The following ISL1 variants were observed in gnomAD, a reference collection of about 807,000 sequenced individuals.
The protein encoded by ISL1 is insulin gene enhancer protein ISL-1.
In ISL1, 4 loss-of-function variants were observed where a neutral mutation model predicts 35.3. The ratio of observed to expected loss-of-function variants is 0.11; its 90% confidence interval spans 0.06 to 0.26. The LOEUF (loss-of-function observed/expected upper bound fraction) is 0.26. Among genes scored for constraint, ISL1 ranks in the 10% least tolerant of loss-of-function variants. ISL1 has a pLI of 1.00. For missense variants in ISL1, 340 were observed against 472.8 expected (o/e 0.72, Z 2.60); for synonymous variants, 186 against 172.3 (o/e 1.08, Z -0.62).
rs1747387040 is a variant in ISL1 at position 51,387,810 on chromosome 5, G to A, written c.478+61G>A. 4 of 1,600,800 alleles carry A rather than the reference G, an allele frequency of 2.5e-6. No homozygotes were observed. Among genetic ancestry groups the A allele is most frequent in the Non-Finnish European group, 3.4e-6 (4 of 1,173,732 alleles). ...GGTTAAGCCAGCCTGTGTGCCAGCG[G>A]CCACAACAACTATGGTAGCTACAGG... On this transcript the variant is annotated intron_variant, in intron 3 of 5. Coordinates refer to ENST00000230658, the MANE Select transcript of ISL1 (RefSeq NM_002202.3). This position sits in a 1 kb window ranked among gnomAD's most constrained non-coding sequence, Gnocchi z 4.3.
In ISL1 at chr5:51,387,756, C is replaced by T; in HGVS notation, c.478+7C>T. 2 of 1,613,798 alleles carry T rather than the reference C, an allele frequency of 1.2e-6. No homozygotes were observed. Among genetic ancestry groups the T allele is most frequent in the Non-Finnish European group, 1.7e-6 (2 of 1,179,966 alleles). ...CGGCCACTGCAAATGGCAGGTACTC[C>T]TCTGCCCGGCTCGGGTAGGCAGGCG... On this transcript the variant is annotated splice_region_variant and intron_variant, in intron 3 of 5. Coordinates refer to ENST00000230658, the MANE Select transcript of ISL1 (RefSeq NM_002202.3). The surrounding 1 kb of genome is among the most constrained non-coding windows in gnomAD (Gnocchi z 4.3).
chr5:51,387,046 G>T lies in ISL1; in HGVS notation c.219-444G>T, dbSNP rs184659284. ...CTAGCAGCAGAAATTGTGGGATAGG[G>T]AAGTGAAAGTGTTGGTGTCGGTGGC... is the stretch of plus-strand genomic sequence containing the variant. On this transcript the variant is annotated intron_variant, in intron 2 of 5. Coordinates refer to ENST00000230658, the MANE Select transcript of ISL1 (RefSeq NM_002202.3). The surrounding 1 kb of genome is among the most constrained non-coding windows in gnomAD (Gnocchi z 4.3). Among the ~76,000 whole-genome samples, 386 of 152,248 alleles carry T rather than the reference G, an allele frequency of 2.5e-3. 2 individuals carry two copies. Among genetic ancestry groups the T allele is most frequent in the African/African-American group, 7.0e-3 (292 of 41,540 alleles).
At position 51,389,628 on chromosome 5, in the gene ISL1, G is replaced by A; in HGVS notation, c.479-18G>A. ...GCGAGCCTCCAGCCCAGCGCTCACG[G>A]CGCTCCTTGCCCCGCAGCGGAGCCC... On this transcript the variant is annotated intron_variant, in intron 3 of 5. Transcript: ENST00000230658. The surrounding 1 kb of genome is among the most constrained non-coding windows in gnomAD (Gnocchi z 5.0). 6.3e-7 allele frequency: 1 copy of A among 1,599,456 alleles called. No homozygotes were observed. The highest frequency in any genetic ancestry group is 1.1e-5 in the South Asian group (1 of 90,422).
At chr5:51,386,737 G>A in intron 2 of ISL1, 2 of 410,860 alleles carry the variant, frequency 4.9e-6, no homozygotes, top group Non-Finnish European at 4.8e-6. Flanking sequence ...TCAGCAACTT[G>A]AAAAAGATTG....
At position 51,383,607 on chromosome 5, in the gene ISL1, T is replaced by G. The variant is rs1747265788; in HGVS notation, c.-65T>G. 7.5e-7 allele frequency: 1 copy of G among 1,328,484 alleles called. No individual in the cohort carries two copies. The highest frequency in any genetic ancestry group is 1.7e-5 in the Admixed American group (1 of 59,668). 82.3% of individuals were successfully genotyped at this position (1,328,484 alleles called of 1,614,324 possible). A position where few individuals can be genotyped will look rare whatever the true frequency, so the allele number is the denominator to read the frequency against. On this transcript the variant is annotated 5_prime_UTR_variant, in exon 1 of 6. Transcript: ENST00000230658. ...ACTTAGCCACAGCTCCAGCATCCTCTCTGTGGGCTGTTCACCAACTGTACA... is the reference window on the plus strand; with the variant it reads ...ACTTAGCCACAGCTCCAGCATCCTCGCTGTGGGCTGTTCACCAACTGTACA...
At chr5:51,385,787 C>T (rs1424238009) in intron 2 of ISL1, among the ~76,000 whole-genome samples, 3 of 151,954 alleles carry the variant, frequency 2.0e-5, no homozygotes, top group Non-Finnish European at 4.4e-5. Flanking sequence ...TTTTAAATGT[C>T]CGGTGGCTAT....
intron 3 of ISL1, among the ~76,000 whole-genome samples, chr5:51,388,133 G>A (rs1747395504): frequency 6.6e-6 from 1 of 152,168 alleles, no homozygotes; most frequent in East Asian, 1.9e-4. Context: ...AAGGGGCGGA[G>A]CCCCGGGTCC....
At position 51,389,559 on chromosome 5, in the gene ISL1, A is replaced by AAGCGAGCGAGCG; in HGVS notation, c.479-78_479-67dup. On this transcript the variant is annotated intron_variant, in intron 3 of 5. Coordinates refer to ENST00000230658, the MANE Select transcript of ISL1 (RefSeq NM_002202.3). This position sits in a 1 kb window ranked among gnomAD's most constrained non-coding sequence, Gnocchi z 5.0. ...CAAGTAAGCGGGCGGGCGGGCGGGC[A>AAGCGAGCGAGCG]AGCGAGCGAGCGAGCGAGCGCGCGA... 3.4e-5 allele frequency: 42 copies of AAGCGAGCGAGCG among 1,244,622 alleles called. No homozygotes were observed. The highest frequency in any genetic ancestry group is 4.1e-5 in the Non-Finnish European group (40 of 965,940). The allele number at this position is 1,244,622 out of a possible 1,614,324, so 77.1% of individuals were successfully genotyped here. A position where few individuals can be genotyped will look rare whatever the true frequency, so the allele number is the denominator to read the frequency against.
chr5:51,389,964 G>A lies in ISL1; in HGVS notation c.765+32G>A. ...GGCTCTGGGGCCGGGCAGGGAATGC[G>A]AGGGGGAAGGAGACGCAGCGTGCGA... On this transcript the variant is annotated intron_variant, in intron 4 of 5. Transcript: ENST00000230658. This position sits in a 1 kb window ranked among gnomAD's most constrained non-coding sequence, Gnocchi z 5.0. 1 of 1,608,302 alleles carries A rather than the reference G, an allele frequency of 6.2e-7. No homozygotes were observed.
intron 4 of ISL1, among the ~76,000 whole-genome samples, 163 bp downstream of exon 4, chr5:51,390,095 G>A (rs974039540): frequency 2.0e-5 from 3 of 152,114 alleles, no homozygotes; most frequent in Non-Finnish European, 2.9e-5. Flanking sequence ...TGCCCCGGGG[G>A]ACAGGCTACC....
Position 51,394,306 on chromosome 5 carries a change from T to C in ISL1, c.*696T>C, listed in dbSNP as rs941742759. The C allele has an allele frequency of 2.0e-5, 3 of 152,720 alleles. No individual in the cohort carries two copies. Among genetic ancestry groups the C allele is most frequent in the Non-Finnish European group, 2.9e-5 (2 of 68,110 alleles). The allele number at this position is 152,720 out of a possible 1,614,324, so 9.5% of individuals were successfully genotyped here. On this transcript the variant is annotated 3_prime_UTR_variant, in exon 6 of 6. Transcript: ENST00000230658. ...ATTTAAAAACCAACTTATAAAGCAT[T>C]GCAACAAGGTTACCTCTATTTTGCC...
chr5:51,391,228 A>C, intron 4 of ISL1, 46 bp from the exon 5 acceptor site: 2 of 1,595,430 alleles, frequency 1.3e-6, no homozygotes, highest in Non-Finnish European at 1.7e-6. Flanking sequence ...GAGGGAGGGA[A>C]TTTGCTCATT....
chr5:51,386,481 G>A, intron 2 of ISL1: 1 of 432,842 alleles, frequency 2.3e-6, no homozygotes, highest in Admixed American at 2.7e-5. Context: ...TGGAGAAGCA[G>A]GATGCCTCCT....
At chr5:51,385,511 G>A (rs1747322191) in intron 2 of ISL1, among the ~76,000 whole-genome samples, 1 of 151,816 alleles carries the variant, frequency 6.6e-6, no homozygotes, top group Non-Finnish European at 1.5e-5. Context: ...TGAGCGAATT[G>A]TCCAAATTGA....
Position 51,389,993 on chromosome 5 carries a change from G to A in ISL1, c.765+61G>A. ...GGGAAGGAGACGCAGCGTGCGAGGTGCGTTCCTGGTACGCAGGATCGCACG... is the reference window on the plus strand; with the variant it reads ...GGGAAGGAGACGCAGCGTGCGAGGTACGTTCCTGGTACGCAGGATCGCACG... On this transcript the variant is annotated intron_variant, in intron 4 of 5. Transcript: ENST00000230658. This position sits in a 1 kb window ranked among gnomAD's most constrained non-coding sequence, Gnocchi z 5.0. 1.5e-5 allele frequency: 23 copies of A among 1,572,232 alleles called. No homozygotes were observed. Among genetic ancestry groups the A allele is most frequent in the Non-Finnish European group, 1.8e-5 (21 of 1,149,404 alleles).
At position 51,383,716 on chromosome 5, in the gene ISL1, C is replaced by A; in HGVS notation, c.28+17C>A. ...CACCAAAAAGTAAGAGGCTATTTTACCTTGTGGGGCTCGGTGTGCTGTTCT... is the reference window on the plus strand; with the variant it reads ...CACCAAAAAGTAAGAGGCTATTTTAACTTGTGGGGCTCGGTGTGCTGTTCT... On this transcript the variant is annotated intron_variant, in intron 1 of 5. Transcript: ENST00000230658. 1 of 1,605,334 alleles carries A rather than the reference C, an allele frequency of 6.2e-7. No homozygotes were observed. The highest frequency in any genetic ancestry group is 8.5e-7 in the Non-Finnish European group (1 of 1,171,922).
chr5:51,384,378 A>G (rs1478405187), intron 1 of ISL1, among the ~76,000 whole-genome samples, 163 bp from the exon 2 acceptor site: 3 of 150,942 alleles, frequency 2.0e-5, no homozygotes, highest in Non-Finnish European at 4.4e-5. Context: ...GCACATTTCA[A>G]TTACCATCCC....
intron 5 of ISL1, 159 bp downstream of exon 5, chr5:51,391,600 A>G: frequency 2.7e-6 from 2 of 753,168 alleles, no homozygotes; most frequent in Non-Finnish European, 4.5e-6. Flanking sequence ...AGACAAATGC[A>G]GGGAAAACGA....
rs1289824014 is a variant in ISL1 at position 51,384,865 on chromosome 5, T to C, written c.218+135T>C. ...AGTCATACAAGCCAAAGTTACCCTG[T>C]ACATGTGTTAAAAAAATCAAGCTAT... On this transcript the variant is annotated intron_variant, in intron 2 of 5. Coordinates refer to ENST00000230658, the MANE Select transcript of ISL1 (RefSeq NM_002202.3). 1.9e-5 allele frequency: 15 copies of C among 807,192 alleles called. No individual in the cohort carries two copies. In the Admixed American group the frequency reaches 2.9e-4, roughly 15 times the overall value. 50.0% of individuals were successfully genotyped at this position (807,192 alleles called of 1,614,324 possible).
Sources: gnomAD v4.1 joint callset for allele counts (sites outside exome capture counted in the v4.1 genomes callset) on GRCh38, gnomAD v4.1.1 for gene constraint, Gnocchi (gnomAD v3.1) non-coding constraint, MANE v1.5 for transcripts, NCBI Gene and HGNC (gene_info 2026-07-23, HGNC 2026-07-21) for gene names.